The following SLC30A5 variants were observed in gnomAD, a reference collection of about 807,000 sequenced individuals.
SLC30A5 encodes proton-coupled zinc antiporter SLC30A5.
Under a neutral mutation model 79.6 loss-of-function variants are expected in SLC30A5, and 33 were observed. The observed-to-expected ratio is 0.41, with a 90% CI of 0.31 to 0.55. The LOEUF (loss-of-function observed/expected upper bound fraction) is 0.55. Among genes scored for constraint, SLC30A5 ranks in the 20% least tolerant of loss-of-function variants. SLC30A5 has a pLI of 0.20. For synonymous variants in SLC30A5, 299 were observed against 319.7 expected, an observed-to-expected ratio of 0.94 and a Z score of 0.69; for missense variants, 788 against 928.1, an observed-to-expected ratio of 0.85 and a Z score of 1.96.
intron 11 of SLC30A5, among the ~76,000 whole-genome samples, chr5:69,118,176 C>CAA (rs376300891): frequency 9.1e-4 from 76 of 83,240 alleles, no homozygotes; most frequent in African/African-American, 2.3e-3. Context: ...GACTCTGTCT[C>CAA]AAAAAAAAAA....
At chr5:69,117,772 G>T (rs1345428268) in intron 11 of SLC30A5, among the ~76,000 whole-genome samples, 3 of 151,876 alleles carry the variant, frequency 2.0e-5, no homozygotes, top group Non-Finnish European at 2.9e-5. Flanking sequence ...AGCTACTCGG[G>T]AGGTTGAGGC....
rs1164941808 is a variant in SLC30A5 at position 69,095,283 on chromosome 5, C to T, written c.83+945C>T. Among the ~76,000 whole-genome samples, 6 of 148,338 alleles carry T rather than the reference C, an allele frequency of 4.0e-5. No individual in the cohort carries two copies. The Admixed American group carries it at 4.1e-4, about 10-fold the overall frequency. ...TGGCGCGATCTCGGCTCACGACAAC[C>T]TCCGCTTCCCGGGTTCAAAAGATTC... is the stretch of plus-strand genomic sequence containing the variant. On this transcript the variant is annotated intron_variant, in intron 1 of 15. Coordinates refer to ENST00000396591, the MANE Select transcript of SLC30A5 (RefSeq NM_022902.5).
chr5:69,121,986 T>C, intron 13 of SLC30A5, 91 bp downstream of exon 13: 1 of 1,047,166 alleles, frequency 9.5e-7, no homozygotes, highest in Non-Finnish European at 1.4e-6. Flanking sequence ...GCTTCTGGTA[T>C]GATATGATTT....
rs980582866 is a variant in SLC30A5 at position 69,115,199 on chromosome 5, G to A, written c.613-38G>A. The A allele has an allele frequency of 3.2e-6, 4 of 1,243,988 alleles. No individual in the cohort carries two copies. In the African/African-American group the frequency reaches 6.1e-5, roughly 19 times the overall value. The allele number at this position is 1,243,988 out of a possible 1,614,324, so 77.1% of individuals were successfully genotyped here. A position where few individuals can be genotyped will look rare whatever the true frequency, so the allele number is the denominator to read the frequency against. ...ATTTAACGACTGACTGTTGAACTGTGTGTGTTTCTAATGAGACTTATCTAA... is the reference window on the plus strand; with the variant it reads ...ATTTAACGACTGACTGTTGAACTGTATGTGTTTCTAATGAGACTTATCTAA... On this transcript the variant is annotated intron_variant, in intron 7 of 15. Coordinates refer to ENST00000396591, the MANE Select transcript of SLC30A5 (RefSeq NM_022902.5).
chr5:69,118,379 A>T, intron 11 of SLC30A5, 120 bp from the exon 12 acceptor site: 1 of 551,404 alleles, frequency 1.8e-6, no homozygotes. Context: ...AAATATTGCT[A>T]ATTTTCTATT....
chr5:69,115,329 A>G lies in SLC30A5; in HGVS notation c.705A>G (p.Lys235=). The change falls in exon 8 of 16, where the codon AAA becomes AAG. Residue 235 remains lysine, a synonymous_variant. Transcript: ENST00000396591. ...TCTCTGTCGACGTTGGTGGAGCTAA[A>G]CGTCTTCAAGCTTTATCTCATCTTG... ...RKLSVDVGGA[K]RLQALSHLVS... 6.2e-7 allele frequency: 1 copy of G among 1,613,978 alleles called. No individual in the cohort carries two copies. The highest frequency in any genetic ancestry group is 8.5e-7 in the Non-Finnish European group (1 of 1,179,988).
chr5:69,114,543 G>T, intron 7 of SLC30A5, 47 bp downstream of exon 7: 1 of 1,141,834 alleles, frequency 8.8e-7, no homozygotes. Context: ...CTGAAAAGTT[G>T]TAGCAACTAT....
At chr5:69,128,321 G>A (rs555439428) in intron 15 of SLC30A5, among the ~76,000 whole-genome samples, 189 bp downstream of exon 15, 3 of 141,564 alleles carry the variant, frequency 2.1e-5, no homozygotes, top group East Asian at 4.2e-4. Flanking sequence ...GCGTGATCTC[G>A]GCCCACTGCA....
At chr5:69,098,131 C>T (rs1745799631) in intron 1 of SLC30A5, among the ~76,000 whole-genome samples, 1 of 152,044 alleles carries the variant, frequency 6.6e-6, no homozygotes, top group African/African-American at 2.4e-5. Context: ...CATGCCTGGC[C>T]CATCCCCCCA....
At chr5:69,098,595 T>G (rs191322514) in intron 1 of SLC30A5, among the ~76,000 whole-genome samples, 1 of 152,332 alleles carries the variant, frequency 6.6e-6, no homozygotes, top group African/African-American at 2.4e-5. Flanking sequence ...AGTGTGTAAT[T>G]CAAGTTCAAT....
chr5:69,118,801 CTTT>C (rs35781175), intron 12 of SLC30A5, among the ~76,000 whole-genome samples, 173 bp downstream of exon 12: 4,178 of 97,400 alleles, frequency 0.043, 113 homozygotes, highest in African/African-American at 0.15. Flanking sequence ...TAGAAATTCT[CTTT>C]TTTTTTTTTT....
chr5:69,123,274 T>C lies in SLC30A5; in HGVS notation c.1847T>C (p.Phe616Ser). The C allele has an allele frequency of 6.2e-7, 1 of 1,614,114 alleles. No individual in the cohort carries two copies. Among genetic ancestry groups the C allele is most frequent in the Admixed American group, 1.7e-5 (1 of 60,020 alleles). The change falls in exon 14 of 16, where the codon TTT becomes TCT. Residue 616 changes from phenylalanine to serine, a missense_variant. Transcript: ENST00000396591. ...GTATCCACAGTTCTTATAGAGCAGT[T>C]TGGATGGTTCATCGCTGACCCACTC... ...VIVSTVLIEQ[F>S]GWFIADPLCS...
intron 12 of SLC30A5, among the ~76,000 whole-genome samples, chr5:69,119,318 C>T (rs766614003): frequency 6.6e-6 from 1 of 152,048 alleles, no homozygotes; most frequent in Non-Finnish European, 1.5e-5. Context: ...TGCCACCACG[C>T]CTGCCTAATT....
chr5:69,129,779 T>C lies in SLC30A5; in HGVS notation c.*162T>C. 1.9e-6 allele frequency: 1 copy of C among 521,710 alleles called. No homozygotes were observed. The highest frequency in any genetic ancestry group is 3.2e-6 in the Non-Finnish European group (1 of 312,650). 32.3% of individuals were successfully genotyped at this position (521,710 alleles called of 1,614,324 possible). On this transcript the variant is annotated 3_prime_UTR_variant, in exon 16 of 16. Transcript: ENST00000396591. Reference sequence around the variant, plus strand: ...TCTTGAAGGAAATTTAAATACAGAATGAAACATTAATGGTAAAAGTGGAGT... The same window carrying C: ...TCTTGAAGGAAATTTAAATACAGAACGAAACATTAATGGTAAAAGTGGAGT...
chr5:69,128,053 G>A lies in SLC30A5; in HGVS notation c.2048G>A (p.Arg683His), dbSNP rs200169306. Residue 683 changes from arginine to histidine, a missense_variant, in exon 15 of 16, where the codon CGT (arginine) becomes CAT (histidine). Arg to His is a conservative substitution (Grantham distance 29, BLOSUM62 0). This residue lies in a region of SLC30A5 where 158 missense variants were observed against 156.2 expected (regional missense o/e 1.01). Coordinates refer to ENST00000396591, the MANE Select transcript of SLC30A5 (RefSeq NM_022902.5). ...TCATACCGAGACCCTCATTTTTGGC[G>A]TCATTCTGCTAGTATTGTGGCAGGA... ...LISYRDPHFW[R>H]HSASIVAGTI... The A allele has an allele frequency of 1.7e-5, 27 of 1,611,784 alleles. No individual in the cohort carries two copies. Among genetic ancestry groups the A allele is most frequent in the African/African-American group, 1.5e-4 (11 of 74,862 alleles).
At chr5:69,124,090 G>A (rs995610143) in intron 14 of SLC30A5, among the ~76,000 whole-genome samples, 2 of 127,854 alleles carry the variant, frequency 1.6e-5, no homozygotes, top group African/African-American at 3.2e-5. Context: ...TTCAGCCTGG[G>A]TGACAGAGCG....
intron 8 of SLC30A5, 110 bp downstream of exon 8, chr5:69,115,517 G>A: frequency 1.1e-6 from 1 of 903,050 alleles, no homozygotes; most frequent in Non-Finnish European, 1.6e-6. Context: ...GAGGTTGAAA[G>A]TGGCTTAAAT....
intron 12 of SLC30A5, 121 bp downstream of exon 12, chr5:69,118,749 A>G (rs954244921): frequency 6.1e-6 from 4 of 655,698 alleles, no homozygotes; most frequent in African/African-American, 5.7e-5. Flanking sequence ...TTATATCAAC[A>G]TAACTTCCTA....
chr5:69,126,745 G>A (rs915458823), intron 14 of SLC30A5, among the ~76,000 whole-genome samples: 1 of 151,524 alleles, frequency 6.6e-6, no homozygotes, highest in African/African-American at 2.4e-5. Flanking sequence ...ACTCCAGCCT[G>A]GGCGACAGAG....
Sources: allele counts gnomAD v4.1 joint callset (sites outside exome capture counted in the v4.1 genomes callset), GRCh38; gene constraint gnomAD v4.1.1; regional missense constraint gnomAD v4.1.1; transcripts MANE v1.5; gene names NCBI Gene and HGNC (gene_info 2026-07-23, HGNC 2026-07-21).